The following TENM3 variants were observed in gnomAD, a reference collection of about 807,000 sequenced individuals.
The protein encoded by TENM3 is teneurin-3.
Under a neutral mutation model 255.1 loss-of-function variants are expected in TENM3, and 63 were observed. The observed-to-expected ratio is 0.25, with a 90% CI of 0.20 to 0.30. The LOEUF (loss-of-function observed/expected upper bound fraction) is 0.30. Among genes scored for constraint, TENM3 ranks in the 10% least tolerant of loss-of-function variants. The pLI is 1.00. For missense variants in TENM3, 2,929 were observed against 3,461.1 expected (o/e 0.85, Z 3.86); for synonymous variants, 1,306 against 1,322.3 (o/e 0.99, Z 0.27).
At chr4:182,409,290 G>A (rs752556970) in intron 3 of TENM3, among the ~76,000 whole-genome samples, 1 of 152,186 alleles carries the variant, frequency 6.6e-6, no homozygotes, top group African/African-American at 2.4e-5. Context: ...CAGAAGATAC[G>A]CAGGGTCCTA....
chr4:181,595,355 C>T, the TENM3 span, among the ~76,000 whole-genome samples: 1 of 146,350 alleles, frequency 6.8e-6, no homozygotes, highest in Non-Finnish European at 1.5e-5. Flanking sequence ...CGCTTAAACC[C>T]AGGAGGCGGA....
chr4:181,968,969 TC>T, the TENM3 span, among the ~76,000 whole-genome samples: 1 of 108,858 alleles, frequency 9.2e-6, no homozygotes, highest in Non-Finnish European at 2.1e-5. Flanking sequence ...CTTGTCTCTC[TC>T]TCTCTCTCTC....
the TENM3 span, among the ~76,000 whole-genome samples, chr4:181,801,926 T>C: frequency 1.3e-5 from 2 of 152,098 alleles, no homozygotes; most frequent in Non-Finnish European, 2.9e-5. Flanking sequence ...ATGTTATTTC[T>C]TTTTAACCAG....
the TENM3 span, among the ~76,000 whole-genome samples, chr4:181,922,563 G>A: frequency 6.6e-6 from 1 of 152,132 alleles, no homozygotes; most frequent in Non-Finnish European, 1.5e-5. Context: ...TTGTATTTCT[G>A]TGGGATCGGT....
chr4:182,178,814 A>C (rs1214126395), intron 1 of TENM3, among the ~76,000 whole-genome samples: 1 of 152,202 alleles, frequency 6.6e-6, no homozygotes, highest in East Asian at 1.9e-4. Context: ...AGTGTTTTCT[A>C]GTTAATGTTT....
the TENM3 span, among the ~76,000 whole-genome samples, chr4:181,569,883 T>G: frequency 6.6e-6 from 1 of 152,154 alleles, no homozygotes; most frequent in African/African-American, 2.4e-5. Context: ...AGCCACAGTT[T>G]TAGACATTCA....
At chr4:181,459,246 T>C in the TENM3 span, among the ~76,000 whole-genome samples, 1 of 151,872 alleles carries the variant, frequency 6.6e-6, no homozygotes, top group East Asian at 1.9e-4. Flanking sequence ...AAAAAATATA[T>C]TAATATTTAT....
At chr4:182,388,427 C>T (rs1768160324) in intron 3 of TENM3, among the ~76,000 whole-genome samples, 1 of 152,200 alleles carries the variant, frequency 6.6e-6, no homozygotes, top group South Asian at 2.1e-4. Flanking sequence ...TGTGTTACAT[C>T]TTTTGAATCC....
At chr4:181,462,891 T>A in the TENM3 span, among the ~76,000 whole-genome samples, 1 of 152,196 alleles carries the variant, frequency 6.6e-6, no homozygotes. Flanking sequence ...AACTGGCACA[T>A]ATTTACCTTA....
At chr4:181,767,524 C>A in the TENM3 span, among the ~76,000 whole-genome samples, 1 of 151,880 alleles carries the variant, frequency 6.6e-6, no homozygotes, top group African/African-American at 2.4e-5. Context: ...TTCAGTAGTA[C>A]GTTGCCTTTC....
chr4:181,891,867 A>T, the TENM3 span, among the ~76,000 whole-genome samples: 1 of 152,126 alleles, frequency 6.6e-6, no homozygotes, highest in South Asian at 2.1e-4. Context: ...TATGGCGGAA[A>T]GGGGAGAGGT....
the TENM3 span, among the ~76,000 whole-genome samples, chr4:181,761,671 G>A: frequency 6.6e-6 from 1 of 152,106 alleles, no homozygotes; most frequent in Non-Finnish European, 1.5e-5. Context: ...TCTTCACAAA[G>A]ATGTTTGAAG....
chr4:182,569,043 CAG>C (rs1744077329), intron 3 of TENM3, among the ~76,000 whole-genome samples: 1 of 152,194 alleles, frequency 6.6e-6, no homozygotes, highest in South Asian at 2.1e-4. Flanking sequence ...TGGGTGAAGA[CAG>C]TGTGTGCTAT....
chr4:182,270,484 A>G (rs536945900), intron 1 of TENM3, among the ~76,000 whole-genome samples: 7 of 152,162 alleles, frequency 4.6e-5, no homozygotes, highest in Non-Finnish European at 7.3e-5. Context: ...GTGCTGGTCA[A>G]TTTTGGCTAA....
intron 3 of TENM3, among the ~76,000 whole-genome samples, chr4:182,513,333 G>T (rs566176324): frequency 2.6e-5 from 4 of 152,204 alleles, no homozygotes; most frequent in African/African-American, 7.2e-5. Context: ...AAAATTAAAT[G>T]TATACTCAGT....
chr4:181,657,052 G>A, the TENM3 span, among the ~76,000 whole-genome samples: 1 of 152,212 alleles, frequency 6.6e-6, no homozygotes, highest in Non-Finnish European at 1.5e-5. Flanking sequence ...CAGCTCCCTG[G>A]CCTGTGCGCG....
the TENM3 span, among the ~76,000 whole-genome samples, chr4:181,808,669 G>A: frequency 6.6e-6 from 1 of 152,160 alleles, no homozygotes; most frequent in Admixed American, 6.5e-5. Flanking sequence ...GTGAAAATGG[G>A]ATACAAGCCA....
chr4:182,405,566 G>A (rs1411128368), intron 3 of TENM3, among the ~76,000 whole-genome samples: 4 of 152,170 alleles, frequency 2.6e-5, no homozygotes, highest in South Asian at 2.1e-4. Flanking sequence ...TTATCCATCC[G>A]TTTATTTAAC....
chr4:182,336,608 T>G (rs1320276924), intron 2 of TENM3, among the ~76,000 whole-genome samples: 1 of 152,184 alleles, frequency 6.6e-6, no homozygotes, highest in Non-Finnish European at 1.5e-5. Context: ...GAAAAGCACC[T>G]TTCCAGATGG....
Sources: allele counts gnomAD v4.1 joint callset (sites outside exome capture counted in the v4.1 genomes callset), GRCh38; gene constraint gnomAD v4.1.1; transcripts MANE v1.5; gene names NCBI Gene and HGNC (gene_info 2026-07-23, HGNC 2026-07-21).